LPP: variants seen among roughly 807,000 people sequenced by gnomAD.
LPP encodes LIM domain containing preferred translocation partner in lipoma, also known as lipoma-preferred partner.
A neutral mutation model predicts 60.4 loss-of-function variants in LPP; 38 were observed. The observed-to-expected ratio is 0.63, with a 90% CI of 0.49 to 0.83. LPP has a LOEUF of 0.83. Among genes scored for constraint, LPP ranks in the 40% least tolerant of loss-of-function variants. The pLI is 0.00. For synonymous variants in LPP, 328 were observed against 290.8 expected, an observed-to-expected ratio of 1.13 and a Z score of -1.30; for missense variants, 902 against 783.6, an observed-to-expected ratio of 1.15 and a Z score of -1.80.
intron 9 of LPP, among the ~76,000 whole-genome samples, chr3:188,804,243 T>TTATATATATATATA (rs60989319): frequency 0.029 from 1,077 of 37,540 alleles, 69 homozygotes; most frequent in South Asian, 0.039. Context: ...TAGTGCATCT[T>TTATATATATATATA]TATATATATA....
At chr3:188,204,657 A>C (rs577659821) in intron 1 of LPP, among the ~76,000 whole-genome samples, 1 of 152,186 alleles carries the variant, frequency 6.6e-6, no homozygotes, top group African/African-American at 2.4e-5. Flanking sequence ...TTTTACAGAC[A>C]AGGAAATTGA....
At chr3:188,250,877 ACTCT>A (rs202012334) in intron 2 of LPP, among the ~76,000 whole-genome samples, 3 of 63,844 alleles carry the variant, frequency 4.7e-5, no homozygotes, top group Non-Finnish European at 6.7e-5. Flanking sequence ...TTTTTCTTTC[ACTCT>A]CTCTCTCTTT....
intron 9 of LPP, among the ~76,000 whole-genome samples, chr3:188,774,172 C>G (rs1336562673): frequency 6.7e-6 from 1 of 149,868 alleles, no homozygotes; most frequent in Non-Finnish European, 1.5e-5. Flanking sequence ...TCAGATAGGA[C>G]TTTTTTTTTT....
chr3:188,248,069 C>T (rs74320538), intron 2 of LPP, among the ~76,000 whole-genome samples: 2,797 of 152,110 alleles, frequency 0.018, 41 homozygotes, highest in South Asian at 0.03. Context: ...GTCTTGATTT[C>T]GTATCAATTT....
chr3:188,697,678 C>A (rs1270808737), intron 7 of LPP, among the ~76,000 whole-genome samples: 1 of 152,106 alleles, frequency 6.6e-6, no homozygotes, highest in African/African-American at 2.4e-5. Context: ...TTATAATATT[C>A]TGTTTAGATA....
chr3:188,662,741 C>G (rs2149131991), intron 7 of LPP, among the ~76,000 whole-genome samples: 1 of 152,338 alleles, frequency 6.6e-6, no homozygotes, highest in African/African-American at 2.4e-5. Flanking sequence ...ATATGTGAAT[C>G]AGCATATTGC....
intron 4 of LPP, among the ~76,000 whole-genome samples, chr3:188,425,312 A>T (rs576381657): frequency 3.3e-5 from 5 of 152,232 alleles, no homozygotes; most frequent in Admixed American, 1.3e-4. Context: ...TTCATAGTGG[A>T]TAAGCTTTTT....
At chr3:188,426,763 AG>A (rs1789473029) in intron 4 of LPP, among the ~76,000 whole-genome samples, 1 of 152,136 alleles carries the variant, frequency 6.6e-6, no homozygotes, top group African/African-American at 2.4e-5. Context: ...ATCAGAGACT[AG>A]GATTGCAACC....
intron 2 of LPP, among the ~76,000 whole-genome samples, chr3:188,296,240 G>A (rs1227489957): frequency 6.6e-6 from 1 of 152,194 alleles, no homozygotes; most frequent in African/African-American, 2.4e-5. Flanking sequence ...CAGGAGCTTG[G>A]AGTCTTATAG....
chr3:188,619,959 A>T (rs1340773851), intron 7 of LPP, among the ~76,000 whole-genome samples: 1 of 152,212 alleles, frequency 6.6e-6, no homozygotes, highest in Non-Finnish European at 1.5e-5. Flanking sequence ...AAACTTCAAG[A>T]TCTGTCTCTA....
chr3:188,804,020 C>G (rs1171176899), intron 9 of LPP, among the ~76,000 whole-genome samples: 1 of 150,576 alleles, frequency 6.6e-6, no homozygotes, highest in Non-Finnish European at 1.5e-5. Context: ...GTACATATTT[C>G]CTAAGGTTTA....
At position 188,630,020 on chromosome 3, in the gene LPP, G is replaced by A. The variant is rs79026322; in HGVS notation, c.1113+20176G>A. 6.6e-3 allele frequency among the ~76,000 whole-genome samples: 1,000 copies of A among 152,176 alleles called. 9 individuals are homozygous for A. The highest frequency in any genetic ancestry group is 0.022 in the African/African-American group (919 of 41,542). On this transcript the variant is annotated intron_variant, in intron 7 of 11. Coordinates refer to ENST00000617246, the MANE Select transcript of LPP (RefSeq NM_001375462.1). Reference sequence around the variant, plus strand: ...ACCTAAATCTATAAAAATCTTAGAAGAAAACCTAGGAAATTATATTCTAGA... The same window carrying A: ...ACCTAAATCTATAAAAATCTTAGAAAAAAACCTAGGAAATTATATTCTAGA...
At chr3:188,622,661 A>T (rs189805048) in intron 7 of LPP, among the ~76,000 whole-genome samples, 80 of 152,186 alleles carry the variant, frequency 5.3e-4, no homozygotes, top group Admixed American at 1.2e-3. Context: ...CTCAAAATCG[A>T]TATGTATTAT....
intron 9 of LPP, among the ~76,000 whole-genome samples, chr3:188,773,532 A>T (rs1228627624): frequency 6.6e-6 from 1 of 152,160 alleles, no homozygotes; most frequent in African/African-American, 2.4e-5. Flanking sequence ...CTTTTTAATT[A>T]TATCTGTCAT....
intron 8 of LPP, among the ~76,000 whole-genome samples, chr3:188,713,362 G>C (rs1186381586): frequency 6.6e-6 from 1 of 151,450 alleles, no homozygotes; most frequent in Non-Finnish European, 1.5e-5. Flanking sequence ...TCAAATGCAA[G>C]GCATGTGTCT....
At chr3:188,811,378 A>G (rs1326624166) in intron 9 of LPP, among the ~76,000 whole-genome samples, 1 of 147,450 alleles carries the variant, frequency 6.8e-6, no homozygotes, top group African/African-American at 2.6e-5. Flanking sequence ...ACACACACAC[A>G]CACACACGCA....
chr3:188,474,728 T>G (rs1262512147), intron 4 of LPP, among the ~76,000 whole-genome samples: 8 of 152,244 alleles, frequency 5.3e-5, no homozygotes, highest in Non-Finnish European at 1.2e-4. Context: ...TCACATGAAT[T>G]TTTAGATTTT....
intron 3 of LPP, among the ~76,000 whole-genome samples, chr3:188,368,032 C>T (rs570408447): frequency 1.1e-4 from 17 of 152,236 alleles, no homozygotes; most frequent in African/African-American, 4.1e-4. Flanking sequence ...CCTCCCTTCC[C>T]CACAGGAGAA....
intron 6 of LPP, among the ~76,000 whole-genome samples, chr3:188,602,728 T>TTA (rs1553939654): frequency 1.4e-5 from 2 of 141,974 alleles, no homozygotes; most frequent in African/African-American, 5.2e-5. Context: ...GATTATTTAT[T>TTA]AAAAAAAAAA....
Sources: gnomAD v4.1 joint callset for allele counts (sites outside exome capture counted in the v4.1 genomes callset) on GRCh38, gnomAD v4.1.1 for gene constraint, MANE v1.5 for transcripts, NCBI Gene and HGNC (gene_info 2026-07-23, HGNC 2026-07-21) for gene names.